The following THSD4 variants were observed in gnomAD, a reference collection of about 807,000 sequenced individuals.
The protein encoded by THSD4 is thrombospondin type 1 domain containing 4, also known as thrombospondin type-1 domain-containing protein 4.
Under a neutral mutation model 119.0 loss-of-function variants are expected in THSD4, and 69 were observed. That is an observed-to-expected ratio of 0.58 (90% confidence interval 0.48 to 0.71). THSD4 has a LOEUF of 0.71. Ranked by LOEUF, THSD4 falls within the 30% of genes least tolerant of loss-of-function variation. THSD4 has a pLI of 0.00. For synonymous variants in THSD4, 524 were observed against 540.4 expected, an observed-to-expected ratio of 0.97 and a Z score of 0.42; for missense variants, 1,393 against 1,391.1, an observed-to-expected ratio of 1.00 and a Z score of -0.02.
intron 7 of THSD4, among the ~76,000 whole-genome samples, chr15:71,558,553 C>T (rs2049059607): frequency 6.6e-6 from 1 of 152,166 alleles, no homozygotes; most frequent in African/African-American, 2.4e-5. Context: ...CATACAGCCT[C>T]AACCTCCTGG....
At chr15:71,251,353 A>G (rs1167618004) in intron 5 of THSD4, among the ~76,000 whole-genome samples, 1 of 152,206 alleles carries the variant, frequency 6.6e-6, no homozygotes, top group Non-Finnish European at 1.5e-5. Context: ...ACATTTATTC[A>G]GCATTACAGA....
chr15:71,438,145 C>T (rs985176620), intron 7 of THSD4, among the ~76,000 whole-genome samples: 5 of 152,200 alleles, frequency 3.3e-5, no homozygotes, highest in Admixed American at 1.3e-4. Context: ...CTCGCCCTCA[C>T]CCTCGCCCAG....
chr15:71,447,722 C>T (rs1243799392), intron 7 of THSD4, among the ~76,000 whole-genome samples: 1 of 152,170 alleles, frequency 6.6e-6, no homozygotes, highest in East Asian at 1.9e-4. Context: ...CACAGAAACC[C>T]TAGAGTGGTT....
intron 5 of THSD4, among the ~76,000 whole-genome samples, chr15:71,254,261 C>T (rs763914606): frequency 6.6e-5 from 10 of 152,232 alleles, no homozygotes; most frequent in African/African-American, 2.2e-4. Context: ...GGGCCTTCAG[C>T]GCTCTGGGCT....
At chr15:71,701,176 G>T (rs2052281611) in intron 8 of THSD4, among the ~76,000 whole-genome samples, 1 of 152,116 alleles carries the variant, frequency 6.6e-6, no homozygotes. Flanking sequence ...ACTAAGAAAA[G>T]ATAAAACAAC....
chr15:71,391,572 A>C (rs1208138548), intron 6 of THSD4, among the ~76,000 whole-genome samples: 2 of 152,202 alleles, frequency 1.3e-5, no homozygotes, highest in African/African-American at 4.8e-5. Flanking sequence ...GGAAAAAGCC[A>C]GTGTCACACA....
At chr15:71,369,810 G>T (rs991715481) in intron 6 of THSD4, among the ~76,000 whole-genome samples, 1 of 152,162 alleles carries the variant, frequency 6.6e-6, no homozygotes, top group African/African-American at 2.4e-5. Context: ...GAGTTAGGGA[G>T]GATTCCCTCT....
chr15:71,572,542 T>C (rs2049377215), intron 7 of THSD4, among the ~76,000 whole-genome samples: 1 of 152,090 alleles, frequency 6.6e-6, no homozygotes, highest in Non-Finnish European at 1.5e-5. Flanking sequence ...GACACTGGCT[T>C]GCCCTCAGGG....
At chr15:71,471,443 A>T (rs2047578463) in intron 7 of THSD4, among the ~76,000 whole-genome samples, 1 of 152,046 alleles carries the variant, frequency 6.6e-6, no homozygotes, top group Non-Finnish European at 1.5e-5. Context: ...CACCTAGGCC[A>T]GCCCTGAGGT....
intron 3 of THSD4, among the ~76,000 whole-genome samples, chr15:71,208,093 T>C (rs1324862668): frequency 6.6e-6 from 1 of 152,158 alleles, no homozygotes; most frequent in African/African-American, 2.4e-5. Flanking sequence ...TGCTGGTCAA[T>C]TTGCTGGAAA....
chr15:71,684,224 CTCTA>C (rs1451644714), intron 8 of THSD4, among the ~76,000 whole-genome samples: 2 of 151,926 alleles, frequency 1.3e-5, no homozygotes, highest in Non-Finnish European at 2.9e-5. Context: ...TTATATTTAC[CTCTA>C]TCTGGTAATT....
intron 3 of THSD4, among the ~76,000 whole-genome samples, chr15:71,206,655 A>G (rs2043846133): frequency 6.6e-6 from 1 of 152,228 alleles, no homozygotes; most frequent in Admixed American, 6.5e-5. Flanking sequence ...ACATGATTTC[A>G]CATTAGTACA....
intron 7 of THSD4, among the ~76,000 whole-genome samples, chr15:71,496,955 G>A (rs1595827530): frequency 6.6e-6 from 1 of 152,186 alleles, no homozygotes; most frequent in Non-Finnish European, 1.5e-5. Context: ...TGAGCAGGGT[G>A]ATGAATTAAT....
chr15:71,322,888 G>T (rs570592328), intron 6 of THSD4, among the ~76,000 whole-genome samples: 14 of 152,178 alleles, frequency 9.2e-5, no homozygotes, highest in African/African-American at 3.4e-4. Context: ...CTTGAGCCCA[G>T]GAGTTCAAGA....
At chr15:71,362,279 A>C (rs566545348) in intron 6 of THSD4, among the ~76,000 whole-genome samples, 4 of 152,262 alleles carry the variant, frequency 2.6e-5, no homozygotes, top group Admixed American at 2.6e-4. Context: ...ACTAAGTCTC[A>C]AAAAAAATTA....
At chr15:71,390,378 A>G (rs1305882372) in intron 6 of THSD4, among the ~76,000 whole-genome samples, 1 of 152,242 alleles carries the variant, frequency 6.6e-6, no homozygotes, top group Admixed American at 6.5e-5. Flanking sequence ...GGAAACCAAG[A>G]TGGAAAGAAA....
In THSD4 at chr15:71,197,268, C is replaced by G. The variant is rs138387328; in HGVS notation, c.100-17767C>G. Among the ~76,000 whole-genome samples the G allele has an allele frequency of 1.2e-4, 19 of 152,306 alleles. No individual in the cohort carries two copies. In the East Asian group the frequency reaches 3.1e-3, roughly 25 times the overall value. ...GTGATAGCTCGATTATGCTTAGAAC[C>G]CATAAGGACAAATAAGAGAGGAAAG... On this transcript the variant is annotated intron_variant, in intron 3 of 17. Coordinates refer to ENST00000261862, the MANE Select transcript of THSD4 (RefSeq NM_024817.3).
chr15:71,559,613 C>A (rs978782479), intron 7 of THSD4, among the ~76,000 whole-genome samples: 3 of 151,166 alleles, frequency 2.0e-5, no homozygotes, highest in African/African-American at 7.3e-5. Flanking sequence ...TTTTTCTAGA[C>A]CTCTGCTTCT....
intron 7 of THSD4, among the ~76,000 whole-genome samples, chr15:71,585,497 T>C (rs185823066): frequency 3.9e-5 from 6 of 152,342 alleles, no homozygotes; most frequent in South Asian, 2.1e-4. Context: ...TCTTGTTGCA[T>C]TGAAAATTCT....
Sources: gnomAD v4.1 joint callset for allele counts (sites outside exome capture counted in the v4.1 genomes callset) on GRCh38, gnomAD v4.1.1 for gene constraint, MANE v1.5 for transcripts, NCBI Gene and HGNC (gene_info 2026-07-23, HGNC 2026-07-21) for gene names.